Variants in PCBP3 observed in about 807,000 individuals in gnomAD.
PCBP3 encodes the protein poly(rC)-binding protein 3.
PCBP3 carries 25 observed loss-of-function variants against 52.7 expected under a neutral mutation model. The observed-to-expected ratio is 0.47, with a 90% confidence interval of 0.35 to 0.66. The LOEUF is 0.66. Ranked by LOEUF, PCBP3 falls within the 30% of genes least tolerant of loss-of-function variation. The pLI is 0.01. For synonymous variants in PCBP3, 162 were observed against 183.0 expected (o/e 0.89, Z 0.93); for missense variants, 391 against 490.3 (o/e 0.80, Z 1.91).
chr21:45,883,334 C>A (rs187817021), intron 5 of PCBP3, among the ~76,000 whole-genome samples: 1 of 152,286 alleles, frequency 6.6e-6, no homozygotes, highest in East Asian at 1.9e-4. Flanking sequence ...GGTATAGATT[C>A]TGTACATGCA....
chr21:45,646,099 CTCTCTCTCTGTG>C (rs2079270798), intron 1 of PCBP3, among the ~76,000 whole-genome samples: 3 of 85,444 alleles, frequency 3.5e-5, no homozygotes, highest in Non-Finnish European at 7.6e-5. Context: ...CTCTCTCTCT[CTCTCTCTCTGTG>C]TGTGTGTGTG....
chr21:45,911,612 G>A (rs1377743690), intron 11 of PCBP3, among the ~76,000 whole-genome samples: 1 of 152,134 alleles, frequency 6.6e-6, no homozygotes, highest in African/African-American at 2.4e-5. Flanking sequence ...TTCGGGGGGA[G>A]GAAAAAACTC....
chr21:45,687,458 A>T lies in PCBP3; in HGVS notation c.-200+18506A>T, dbSNP rs562762068. On this transcript the variant is annotated intron_variant, in intron 2 of 17. Coordinates refer to ENST00000681687, the MANE Select transcript of PCBP3 (RefSeq NM_001384156.1). ...GTCAGGGCTGGAGAAATGGAATGCC[A>T]AAAGAGAAAGAACTAATAAACAAGA... Among the ~76,000 whole-genome samples the T allele has an allele frequency of 2.0e-5, 3 of 152,308 alleles. No individual in the cohort carries two copies. The East Asian group carries it at 5.8e-4, about 29-fold the overall frequency.
intron 1 of PCBP3, among the ~76,000 whole-genome samples, chr21:45,654,356 T>TTTTTTTG: frequency 6.7e-6 from 1 of 150,132 alleles, no homozygotes. Flanking sequence ...TTTTTTTTTT[T>TTTTTTTG]TTTGAGATGG....
intron 4 of PCBP3, among the ~76,000 whole-genome samples, chr21:45,845,022 C>T (rs905961918): frequency 1.3e-5 from 2 of 152,000 alleles, no homozygotes; most frequent in Non-Finnish European, 2.9e-5. Context: ...ACTGGGTACC[C>T]CAGAGATTTA....
chr21:45,754,187 T>C (rs529676878), intron 3 of PCBP3, among the ~76,000 whole-genome samples: 7 of 152,276 alleles, frequency 4.6e-5, no homozygotes, highest in African/African-American at 1.4e-4. Flanking sequence ...TAGAAAAAGC[T>C]CGGACTACAA....
intron 2 of PCBP3, among the ~76,000 whole-genome samples, chr21:45,720,360 G>GT (rs1227475355): frequency 2.6e-5 from 4 of 152,064 alleles, no homozygotes; most frequent in Non-Finnish European, 4.4e-5. Flanking sequence ...GAGAATGATG[G>GT]TTTCCAGCTT....
At position 45,736,819 on chromosome 21, in the gene PCBP3, G is replaced by C. The variant is rs115144163; in HGVS notation, c.-162+1390G>C. Reference sequence around the variant, plus strand: ...CAGAATCCTGACATCCTTGTGGGGGGATCGAAAACATAAATCTAGTCAGTG... The same window carrying C: ...CAGAATCCTGACATCCTTGTGGGGGCATCGAAAACATAAATCTAGTCAGTG... On this transcript the variant is annotated intron_variant, in intron 3 of 17. Coordinates refer to ENST00000681687, the MANE Select transcript of PCBP3 (RefSeq NM_001384156.1). The surrounding 1 kb of genome is among the most constrained non-coding windows in gnomAD (Gnocchi z 4.6). 2.1e-3 allele frequency among the ~76,000 whole-genome samples: 327 copies of C among 152,310 alleles called. 1 individual carries two copies. The highest frequency in any genetic ancestry group is 7.2e-3 in the African/African-American group (298 of 41,554).
In PCBP3 at chr21:45,930,105, A is replaced by C. The variant is rs753054395; in HGVS notation, c.796+110A>C. The C allele has an allele frequency of 1.8e-5, 9 of 507,670 alleles. No individual in the cohort carries two copies. The African/African-American group carries it at 1.8e-4, about 10-fold the overall frequency. 31.4% of individuals were successfully genotyped at this position (507,670 alleles called of 1,614,324 possible). ...TAGAACAGGTGCAGTTGGATTTGTG[A>C]GTGCCGGTGCTGCGGCGTTCACATG... is the stretch of plus-strand genomic sequence containing the variant. On this transcript the variant is annotated intron_variant, in intron 14 of 17. Coordinates refer to ENST00000681687, the MANE Select transcript of PCBP3 (RefSeq NM_001384156.1).
At chr21:45,922,331 A>G (rs1258512512) in intron 13 of PCBP3, among the ~76,000 whole-genome samples, 1 of 152,156 alleles carries the variant, frequency 6.6e-6, no homozygotes, top group Non-Finnish European at 1.5e-5. Context: ...AGATGGGAGG[A>G]TTGCTTGAGC....
chr21:45,711,950 C>G (rs1289409455), intron 2 of PCBP3, among the ~76,000 whole-genome samples: 1 of 152,172 alleles, frequency 6.6e-6, no homozygotes, highest in Non-Finnish European at 1.5e-5. Context: ...CCCTGAATCC[C>G]TGATAATCAC....
intron 4 of PCBP3, among the ~76,000 whole-genome samples, chr21:45,784,391 T>G (rs146066604): frequency 0.031 from 3,464 of 112,368 alleles, 71 homozygotes; most frequent in Middle Eastern, 0.06. Context: ...TACCTCTACC[T>G]CTACCGCTAC....
intron 4 of PCBP3, among the ~76,000 whole-genome samples, chr21:45,846,804 T>C (rs2093823675): frequency 6.6e-6 from 1 of 152,244 alleles, no homozygotes; most frequent in Non-Finnish European, 1.5e-5. Context: ...CACAGGGAGA[T>C]TGCAATCCCT....
chr21:45,809,126 T>A (rs1353476414), intron 4 of PCBP3, among the ~76,000 whole-genome samples: 1 of 152,134 alleles, frequency 6.6e-6, no homozygotes, highest in African/African-American at 2.4e-5. Context: ...CACCATGGCA[T>A]GTGTATACCT....
chr21:45,812,618 C>A (rs2092714542), intron 4 of PCBP3, among the ~76,000 whole-genome samples: 1 of 152,332 alleles, frequency 6.6e-6, no homozygotes, highest in Non-Finnish European at 1.5e-5. Context: ...GCCAGAACTG[C>A]TGGCCTCAGG....
At chr21:45,679,078 ATTTTTTTTT>A (rs34808106) in intron 2 of PCBP3, among the ~76,000 whole-genome samples, 2 of 120,840 alleles carry the variant, frequency 1.7e-5, no homozygotes, top group South Asian at 5.5e-4. Flanking sequence ...GATTGTTAGC[ATTTTTTTTT>A]TTTTTTTTTT....
intron 1 of PCBP3, among the ~76,000 whole-genome samples, chr21:45,654,172 G>A (rs1174527127): frequency 6.6e-6 from 1 of 151,966 alleles, no homozygotes; most frequent in East Asian, 1.9e-4. Context: ...TGTATTAACA[G>A]TAATATTAAC....
intron 5 of PCBP3, among the ~76,000 whole-genome samples, chr21:45,884,211 C>T (rs1220998344): frequency 6.6e-6 from 1 of 152,202 alleles, no homozygotes; most frequent in Non-Finnish European, 1.5e-5. Context: ...GCTGGGATTA[C>T]AGGCGTGAGC....
chr21:45,886,120 G>A (rs865942921), intron 5 of PCBP3, among the ~76,000 whole-genome samples: 3 of 98,970 alleles, frequency 3.0e-5, no homozygotes, highest in African/African-American at 2.8e-5. Flanking sequence ...CCTCATTGCC[G>A]CTGGTACCAA....
Sources: gnomAD v4.1 joint callset for allele counts (sites outside exome capture counted in the v4.1 genomes callset) on GRCh38, gnomAD v4.1.1 for gene constraint, Gnocchi (gnomAD v3.1) non-coding constraint, MANE v1.5 for transcripts, NCBI Gene and HGNC (gene_info 2026-07-23, HGNC 2026-07-21) for gene names.